GRID1: variants seen among roughly 807,000 people sequenced by gnomAD.
The protein encoded by GRID1 is glutamate receptor ionotropic, delta-1.
GRID1 carries 28 observed loss-of-function variants against 98.0 expected under a neutral mutation model. That is an observed-to-expected ratio of 0.29 (90% CI 0.21 to 0.39). The LOEUF is 0.39. Ranked by LOEUF, GRID1 falls within the 10% of genes least tolerant of loss-of-function variation. GRID1 has a pLI of 1.00. For missense variants in GRID1, 1,111 were observed against 1,340.5 expected (o/e 0.83, Z 2.67); for synonymous variants, 553 against 538.5 (o/e 1.03, Z -0.37).
chr10:85,630,673 T>G (rs535610368), intron 13 of GRID1, among the ~76,000 whole-genome samples: 1 of 152,142 alleles, frequency 6.6e-6, no homozygotes, highest in Non-Finnish European at 1.5e-5. Flanking sequence ...TATAGACTAG[T>G]GATTCTCAAA....
intron 4 of GRID1, among the ~76,000 whole-genome samples, chr10:86,133,005 G>A (rs1444391132): frequency 6.6e-6 from 1 of 152,202 alleles, no homozygotes; most frequent in Non-Finnish European, 1.5e-5. Flanking sequence ...TTTTCTCTCT[G>A]CTGTTCTTTC....
At chr10:86,033,470 G>A (rs1204069530) in intron 4 of GRID1, among the ~76,000 whole-genome samples, 1 of 152,182 alleles carries the variant, frequency 6.6e-6, no homozygotes, top group Non-Finnish European at 1.5e-5. Context: ...GGAATTAGGT[G>A]TAGATGAGAT....
At chr10:86,035,116 G>C (rs1313449334) in intron 4 of GRID1, among the ~76,000 whole-genome samples, 1 of 152,154 alleles carries the variant, frequency 6.6e-6, no homozygotes, top group Non-Finnish European at 1.5e-5. Flanking sequence ...CTCTCTCCCT[G>C]GTCAGTGTCT....
rs571050970 is a variant in GRID1 at position 85,802,637 on chromosome 10, C to T, written c.1233+51859G>A. Among the ~76,000 whole-genome samples, 11 of 152,138 alleles carry T rather than the reference C, an allele frequency of 7.2e-5. No homozygotes were observed. In the East Asian group the frequency reaches 1.2e-3, roughly 16 times the overall value. ...AAAAATTAAATTTTAATAGGAAGAA[C>T]TCCTAATCCTGGTCATAACAGAGGA... On this transcript the variant is annotated intron_variant, in intron 8 of 15. Coordinates refer to ENST00000327946, the MANE Select transcript of GRID1 (RefSeq NM_017551.3).
At chr10:86,164,085 T>C (rs1319731536) in intron 3 of GRID1, among the ~76,000 whole-genome samples, 2 of 152,190 alleles carry the variant, frequency 1.3e-5, no homozygotes, top group Non-Finnish European at 2.9e-5. Flanking sequence ...GGCAGCACTT[T>C]TGCCGGTGCA....
chr10:85,972,092 A>C (rs576600534), intron 4 of GRID1, among the ~76,000 whole-genome samples: 1 of 152,256 alleles, frequency 6.6e-6, no homozygotes, highest in East Asian at 1.9e-4. Flanking sequence ...GACAGAAGCC[A>C]GACATCTCCT....
intron 4 of GRID1, among the ~76,000 whole-genome samples, chr10:86,117,277 C>A (rs973407144): frequency 1.3e-5 from 2 of 151,258 alleles, no homozygotes; most frequent in African/African-American, 4.9e-5. Context: ...AGCACTAACA[C>A]CAACACCATC....
At chr10:85,851,300 C>T (rs1843056312) in intron 8 of GRID1, among the ~76,000 whole-genome samples, 1 of 152,144 alleles carries the variant, frequency 6.6e-6, no homozygotes, top group African/African-American at 2.4e-5. Flanking sequence ...CAGACCCATG[C>T]CAGACAGCTC....
chr10:85,629,989 GT>G (rs966197862), intron 13 of GRID1, among the ~76,000 whole-genome samples: 5 of 152,034 alleles, frequency 3.3e-5, no homozygotes, highest in African/African-American at 1.2e-4. Flanking sequence ...TCATATGCTT[GT>G]TGGCCATTTG....
intron 8 of GRID1, among the ~76,000 whole-genome samples, chr10:85,772,414 TA>T (rs1355606583): frequency 4.7e-5 from 7 of 150,136 alleles, no homozygotes; most frequent in African/African-American, 1.7e-4. Context: ...TTAAAAGAAC[TA>T]GAAAAGCAAG....
intron 14 of GRID1, among the ~76,000 whole-genome samples, chr10:85,617,644 G>A (rs1043457346): frequency 6.6e-6 from 1 of 152,218 alleles, no homozygotes; most frequent in Non-Finnish European, 1.5e-5. Context: ...TGAGGAAACT[G>A]TGGGAAGCCA....
At chr10:85,994,279 G>A (rs544938976) in intron 4 of GRID1, among the ~76,000 whole-genome samples, 20 of 152,340 alleles carry the variant, frequency 1.3e-4, no homozygotes, top group African/African-American at 2.6e-4. Context: ...CTGACCTGCC[G>A]GGTCTGCTGT....
intron 4 of GRID1, among the ~76,000 whole-genome samples, chr10:86,038,196 G>A (rs748710868): frequency 6.6e-6 from 1 of 152,118 alleles, no homozygotes; most frequent in Non-Finnish European, 1.5e-5. Context: ...AAGCCTCCTG[G>A]TCTGTGGTGC....
chr10:85,691,577 C>T (rs915950773), intron 12 of GRID1, among the ~76,000 whole-genome samples: 1 of 152,132 alleles, frequency 6.6e-6, no homozygotes, highest in Non-Finnish European at 1.5e-5. Context: ...TCAAAATGTT[C>T]CTTTTTCTGA....
At chr10:86,089,200 C>A (rs572654016) in intron 4 of GRID1, among the ~76,000 whole-genome samples, 28 of 152,308 alleles carry the variant, frequency 1.8e-4, no homozygotes, top group South Asian at 8.3e-4. Context: ...ACACCGCCCC[C>A]CTACATGGTG....
At chr10:85,903,836 C>T (rs1430931351) in intron 5 of GRID1, among the ~76,000 whole-genome samples, 1 of 152,218 alleles carries the variant, frequency 6.6e-6, no homozygotes, top group Non-Finnish European at 1.5e-5. Context: ...AATGCTCTTC[C>T]TCCAGAAATA....
intron 3 of GRID1, among the ~76,000 whole-genome samples, chr10:86,174,795 GA>G (rs1387483303): frequency 6.6e-6 from 1 of 151,034 alleles, no homozygotes; most frequent in Non-Finnish European, 1.5e-5. Context: ...AAACTTACAA[GA>G]AAAAAACAAA....
At chr10:86,274,495 C>T (rs1847237393) in intron 2 of GRID1, among the ~76,000 whole-genome samples, 1 of 152,148 alleles carries the variant, frequency 6.6e-6, no homozygotes, top group Non-Finnish European at 1.5e-5. Flanking sequence ...TATAAATTAC[C>T]TTGGGCAGTA....
At chr10:85,732,176 C>T (rs142982388) in intron 8 of GRID1, among the ~76,000 whole-genome samples, 2 of 152,214 alleles carry the variant, frequency 1.3e-5, no homozygotes, top group East Asian at 3.9e-4. Context: ...AACTGCTTAG[C>T]CCAGGTGCTG....
Sources: gnomAD v4.1 joint callset for allele counts (sites outside exome capture counted in the v4.1 genomes callset) on GRCh38, gnomAD v4.1.1 for gene constraint, MANE v1.5 for transcripts, NCBI Gene and HGNC (gene_info 2026-07-23, HGNC 2026-07-21) for gene names.